TBC1D10B: variants seen among roughly 807,000 people sequenced by gnomAD.
TBC1D10B encodes TBC1 domain family member 10B.
TBC1D10B carries 25 observed loss-of-function variants against 78.4 expected under a neutral mutation model. The ratio of observed to expected loss-of-function variants is 0.32; its 90% confidence interval spans 0.23 to 0.45. The LOEUF (loss-of-function observed/expected upper bound fraction) is 0.45. Among genes scored for constraint, TBC1D10B ranks in the 20% least tolerant of loss-of-function variants. The probability of loss-of-function intolerance (pLI) is 1.00; values close to 1 mark genes in which losing one functional copy is unlikely to be tolerated. For missense variants in TBC1D10B, 996 were observed against 1,104.8 expected (o/e 0.90, Z 1.40); for synonymous variants, 517 against 478.0 (o/e 1.08, Z -1.06).
rs750549171 is a variant in TBC1D10B, at chr16:30,358,439, C to G, written c.1932G>C (p.Glu644Asp). 17 of 1,588,544 alleles carry G rather than the reference C, an allele frequency of 1.1e-5. No homozygotes were observed. Among genetic ancestry groups the G allele is most frequent in the Non-Finnish European group, 1.4e-5 (16 of 1,168,050 alleles). Reference protein sequence around the residue: ...RRLHGSRAIHEERRRQQPPLG... With the variant: ...RRLHGSRAIHDERRRQQPPLG... ...GGGGTGGCTGTTGCCGCCGGCGCTC[C>G]TCGTGGATGGCCCGGGACCCATGCA... The change falls in exon 9 of 9, where the codon GAG becomes GAC. Residue 644 changes from glutamate (E) to aspartate (D), a missense_variant. This residue lies in a region of TBC1D10B where 285 missense variants were observed against 252.5 expected (regional missense o/e 1.13). Coordinates refer to ENST00000409939, the MANE Select transcript of TBC1D10B (RefSeq NM_015527.4).
chr16:30,367,736 G>A (rs1009423494), intron 1 of TBC1D10B: 1 of 152,316 alleles, frequency 6.6e-6, no homozygotes, highest in African/African-American at 2.4e-5. Context: ...AAGGTGACCA[G>A]AGAGGCTATG....
chr16:30,367,982 TGAG>T (rs1312150570), intron 1 of TBC1D10B: 2 of 152,186 alleles, frequency 1.3e-5, no homozygotes, highest in African/African-American at 4.8e-5. Context: ...AGCCTGCTAT[TGAG>T]GAGAGAGCCA....
In TBC1D10B at chr16:30,369,822, TCAA is replaced by T. The variant is rs754217404; in HGVS notation, c.359_361del (p.Val120del). ...CCCTGCGGCCAGAGCCCTCGATGTCTCAACTCCAGCCACTGCCGCGGGCTCTGG... is the reference window on the plus strand; with the variant it reads ...CCCTGCGGCCAGAGCCCTCGATGTCTCTCCAGCCACTGCCGCGGGCTCTGG... On this transcript the variant is annotated inframe_deletion, in exon 1 of 9. Coordinates refer to ENST00000409939, the MANE Select transcript of TBC1D10B (RefSeq NM_015527.4). This position sits in a 1 kb window ranked among gnomAD's most constrained non-coding sequence, Gnocchi z 4.3. 6.1e-5 allele frequency: 87 copies of T among 1,415,308 alleles called. No homozygotes were observed. In the African/African-American group the frequency reaches 1.1e-3, roughly 18 times the overall value. 87.7% of individuals were successfully genotyped at this position (1,415,308 alleles called of 1,614,324 possible).
Position 30,368,352 on chromosome 16 carries a change from T to C in TBC1D10B, c.956+876A>G, listed in dbSNP as rs117785599. ...CTAGGCTAAACCCGAGGTCTTCTAT[T>C]GAAACCAACTGTTTAAGTACTTTTC... On this transcript the variant is annotated intron_variant, in intron 1 of 8. Coordinates refer to ENST00000409939, the MANE Select transcript of TBC1D10B (RefSeq NM_015527.4). Among the ~76,000 whole-genome samples, 1,128 of 152,350 alleles carry C rather than the reference T, an allele frequency of 7.4e-3. 4 individuals are homozygous for C. The highest frequency in any genetic ancestry group is 0.011 in the Non-Finnish European group (776 of 68,034).
rs1200334086 is a variant in TBC1D10B, at chr16:30,370,024, C to T, written c.160G>A (p.Ala54Thr). 10 of 1,231,646 alleles carry T rather than the reference C, an allele frequency of 8.1e-6. No individual in the cohort carries two copies. The highest frequency in any genetic ancestry group is 1.0e-5 in the Non-Finnish European group (10 of 987,658). The allele number at this position is 1,231,646 out of a possible 1,614,324, so 76.3% of individuals were successfully genotyped here. A position where few individuals can be genotyped will look rare whatever the true frequency, so the allele number is the denominator to read the frequency against. ...TATSAPVTLV[A>T]PGEARPAWVP... ...CAGGCGGGCCGCGCCTCCCCGGGGG[C>T]CACCAGGGTGACGGGGGCCGAAGTG... Residue 54 changes from alanine to threonine, a missense_variant, in exon 1 of 9, where the codon GCC becomes ACC. Ala to Thr is a moderately conservative substitution (Grantham distance 58). This residue lies in a region of TBC1D10B where 448 missense variants were observed against 442.1 expected (regional missense o/e 1.01). Transcript: ENST00000409939.
rs923519182 is a variant in TBC1D10B at position 30,359,789 on chromosome 16, C to T, written c.1324G>A (p.Glu442Lys). 3.8e-6 allele frequency: 6 copies of T among 1,585,132 alleles called. No individual in the cohort carries two copies. The highest frequency in any genetic ancestry group is 1.3e-5 in the African/African-American group (1 of 74,314). Residue 442 changes from glutamate (E) to lysine (K), a missense_variant, in exon 5 of 9, where the codon GAG becomes AAG. Physicochemically the swap from Glu to Lys is moderately conservative, Grantham distance 56. Around this residue, in one of 5 missense-constraint regions of TBC1D10B, gnomAD observed 93 missense variants for 152.7 expected, o/e 0.61. Transcript: ENST00000409939. ...GGGGCCTGGGCCTGGCAGTAACCCT[C>T]GTCAGGCCGGTAGATGGTGTAGGCC... ...LKAYTIYRPD[E>K]GYCQAQAPVA...
At chr16:30,360,966 T>G (rs556264206) in intron 4 of TBC1D10B, among the ~76,000 whole-genome samples, 1 of 151,724 alleles carries the variant, frequency 6.6e-6, no homozygotes, top group Non-Finnish European at 1.5e-5. Flanking sequence ...CATACCCACA[T>G]GCTGTTATTT....
intron 4 of TBC1D10B, among the ~76,000 whole-genome samples, chr16:30,364,576 AT>A (rs2049622056): frequency 6.6e-6 from 1 of 152,168 alleles, no homozygotes; most frequent in African/African-American, 2.4e-5. Flanking sequence ...TTGGCATAGC[AT>A]TTAAGGGTCC....
At chr16:30,359,418 G>T in intron 6 of TBC1D10B, 57 bp from the exon 7 acceptor site, 1 of 1,547,452 alleles carries the variant, frequency 6.5e-7, no homozygotes, top group South Asian at 1.2e-5. Context: ...CCCATCAGGG[G>T]AGAACTGGCC....
chr16:30,365,513 C>G lies in TBC1D10B; in HGVS notation c.1038G>C (p.Leu346=). The change falls in exon 2 of 9, where the codon CTG becomes CTC. Residue 346 remains leucine, a synonymous_variant. Transcript: ENST00000409939. This position sits in a 1 kb window ranked among gnomAD's most constrained non-coding sequence, Gnocchi z 5.0. ...CTCAAACCTTCTGGAATCGCCGTGA[C>G]AGCCACTTATCCCAGTTACTGAACA... ...LDMFSNWDKW[L]SRRFQKVKLR... is the part of the protein sequence containing the mutation. 1.2e-6 allele frequency: 2 copies of G among 1,614,068 alleles called. No homozygotes were observed. The highest frequency in any genetic ancestry group is 1.7e-6 in the Non-Finnish European group (2 of 1,179,900).
Position 30,369,948 on chromosome 16 carries a change from G to A in TBC1D10B, c.236C>T (p.Ala79Val). 1.6e-6 allele frequency: 2 copies of A among 1,286,114 alleles called. No individual in the cohort carries two copies. The highest frequency in any genetic ancestry group is 2.0e-6 in the Non-Finnish European group (2 of 1,017,884). 79.7% of individuals were successfully genotyped at this position (1,286,114 alleles called of 1,614,324 possible). ...GCTGCCCGTGACAGCCGGGGCTGGG[G>A]CCGGGGCTGGGGCCGGGGCCGGAGC... ...TSAPAPAPAP[A>V]PAPAVTGSTV... The change falls in exon 1 of 9, where the codon GCC becomes GTC. Residue 79 changes from alanine (A) to valine (V), a missense_variant. Transcript: ENST00000409939. This position sits in a 1 kb window ranked among gnomAD's most constrained non-coding sequence, Gnocchi z 4.3.
rs780050189 is a variant in TBC1D10B, at chr16:30,358,360, G to A, written c.2011C>T (p.Arg671Trp). The A allele has an allele frequency of 1.2e-5, 19 of 1,558,958 alleles. No homozygotes were observed. Among genetic ancestry groups the A allele is most frequent in the African/African-American group, 4.1e-5 (3 of 73,418 alleles). ...GGGGACGGGGCCCCTCCAGCTGCCC[G>A]GGAGCCTCGGCTCTTGAGGCCAGGG... ...SLPGLKSRGS[R>W]AAGGAPSPPP... Residue 671 changes from arginine to tryptophan, a missense_variant, in exon 9 of 9, where the codon CGG becomes TGG. By Grantham distance (101) the Arg-to-Trp change is moderately radical (BLOSUM62 -3). This residue lies in a region of TBC1D10B where 285 missense variants were observed against 252.5 expected (regional missense o/e 1.13). Coordinates refer to ENST00000409939, the MANE Select transcript of TBC1D10B (RefSeq NM_015527.4).
chr16:30,365,485 G>C lies in TBC1D10B; in HGVS notation c.1056+10C>G. ...TGTGCATTGCCCTGCCCACCATTCA[G>C]CCCTCAAACCTTCTGGAATCGCCGT... is the stretch of plus-strand genomic sequence containing the variant. On this transcript the variant is annotated intron_variant, in intron 2 of 8. Coordinates refer to ENST00000409939, the MANE Select transcript of TBC1D10B (RefSeq NM_015527.4). This position sits in a 1 kb window ranked among gnomAD's most constrained non-coding sequence, Gnocchi z 5.0. 6.2e-7 allele frequency: 1 copy of C among 1,613,852 alleles called. No homozygotes were observed. Among genetic ancestry groups the C allele is most frequent in the South Asian group, 1.1e-5 (1 of 91,074 alleles).
In TBC1D10B at chr16:30,358,103, C is replaced by G. The variant is rs1346252217; in HGVS notation, c.2268G>C (p.Gln756His). The G allele has an allele frequency of 3.9e-6, 6 of 1,551,754 alleles. No individual in the cohort carries two copies. Among genetic ancestry groups the G allele is most frequent in the East Asian group, 4.9e-5 (2 of 40,910 alleles). Residue 756 changes from glutamine to histidine, a missense_variant, in exon 9 of 9, where the codon CAG becomes CAC. By Grantham distance (24) the Gln-to-His change is conservative (BLOSUM62 0). Coordinates refer to ENST00000409939, the MANE Select transcript of TBC1D10B (RefSeq NM_015527.4). ...RQKQEKEREK[Q>H]EKEREKQEKE... The stretch of plus-strand genomic sequence containing the variant: ...TCTCCTGCTTCTCTCGCTCCTTTTC[C>G]TGCTTCTCTCGCTCTTTCTCCTGCT...
In TBC1D10B at chr16:30,357,808, C is replaced by A. The variant is rs191642781; in HGVS notation, c.*136G>T. Reference sequence around the variant, plus strand: ...TGCCCGTGTAGGGATCAGCAGCTGGCGAGGAGATGGGGAACCAAGCCACTT... The same window carrying A: ...TGCCCGTGTAGGGATCAGCAGCTGGAGAGGAGATGGGGAACCAAGCCACTT... On this transcript the variant is annotated 3_prime_UTR_variant, in exon 9 of 9. Coordinates refer to ENST00000409939, the MANE Select transcript of TBC1D10B (RefSeq NM_015527.4). 1,002 of 1,219,600 alleles carry A rather than the reference C, an allele frequency of 8.2e-4. 3 individuals carry two copies. The highest frequency in any genetic ancestry group is 1.0e-3 in the Non-Finnish European group (931 of 900,500). 75.5% of individuals were successfully genotyped at this position (1,219,600 alleles called of 1,614,324 possible). A position where few individuals can be genotyped will look rare whatever the true frequency, so the allele number is the denominator to read the frequency against.
chr16:30,369,921 G>C lies in TBC1D10B; in HGVS notation c.263C>G (p.Thr88Arg). The C allele has an allele frequency of 7.5e-7, 1 of 1,329,632 alleles. No individual in the cohort carries two copies. 82.4% of individuals were successfully genotyped at this position (1,329,632 alleles called of 1,614,324 possible). A position where few individuals can be genotyped will look rare whatever the true frequency, so the allele number is the denominator to read the frequency against. The change falls in exon 1 of 9, where the codon ACG becomes AGG. Residue 88 changes from threonine to arginine, a missense_variant. This residue lies in a region of TBC1D10B where 448 missense variants were observed against 442.1 expected (regional missense o/e 1.01). Transcript: ENST00000409939. This position sits in a 1 kb window ranked among gnomAD's most constrained non-coding sequence, Gnocchi z 4.3. ...PAPAPAVTGS[T>R]VVVLTLEASP... ...GGCCTCCAGGGTCAGCACCACCACC[G>C]TGCTGCCCGTGACAGCCGGGGCTGG...
At chr16:30,368,343 G>A (rs2049652627) in intron 1 of TBC1D10B, among the ~76,000 whole-genome samples, 1 of 152,162 alleles carries the variant, frequency 6.6e-6, no homozygotes, top group South Asian at 2.1e-4. Flanking sequence ...TAAACCCGAG[G>A]TCTTCTATTG....
In TBC1D10B at chr16:30,364,929, G is replaced by A. The variant is rs760760063; in HGVS notation, c.1242C>T (p.His414=). The change falls in exon 4 of 9, where the codon CAC becomes CAT. Residue 414 remains histidine (H), a synonymous_variant. Transcript: ENST00000409939. ...EKDLHRQFPF[H]EMFAARGGHG... The stretch of plus-strand genomic sequence containing the variant: ...GCCCCCCTCGAGCAGCAAACATCTC[G>A]TGGAAAGGGAACTGGCGGTGCAGGT... 5.0e-6 allele frequency: 8 copies of A among 1,612,756 alleles called. No individual in the cohort carries two copies. The highest frequency in any genetic ancestry group is 2.2e-5 in the South Asian group (2 of 90,792).
At position 30,365,427 on chromosome 16, in the gene TBC1D10B, G is replaced by C. The variant is rs886252506; in HGVS notation, c.1056+68C>G. The C allele has an allele frequency of 1.8e-5, 28 of 1,569,578 alleles. No individual in the cohort carries two copies. Among genetic ancestry groups the C allele is most frequent in the Non-Finnish European group, 2.3e-5 (26 of 1,139,818 alleles). On this transcript the variant is annotated intron_variant, in intron 2 of 8. Coordinates refer to ENST00000409939, the MANE Select transcript of TBC1D10B (RefSeq NM_015527.4). The surrounding 1 kb of genome is among the most constrained non-coding windows in gnomAD (Gnocchi z 5.0). ...AGGGCAGATATTATCGGCTTCCTGG[G>C]CTTCCCTGGAGCACATGCTACCCCT...
Sources: gnomAD v4.1 joint callset for allele counts (sites outside exome capture counted in the v4.1 genomes callset) on GRCh38, gnomAD v4.1.1 for gene constraint, gnomAD v4.1.1 regional missense constraint, Gnocchi (gnomAD v3.1) non-coding constraint, MANE v1.5 for transcripts, NCBI Gene and HGNC (gene_info 2026-07-23, HGNC 2026-07-21) for gene names.